KCNG2: variants seen among roughly 807,000 people sequenced by gnomAD.
KCNG2 encodes the protein voltage-gated potassium channel regulatory subunit KCNG2.
Under a neutral mutation model 12.3 loss-of-function variants are expected in KCNG2, and 7 were observed. That is an observed-to-expected ratio of 0.57 (90% CI 0.32 to 1.07). The LOEUF is 1.07. Ranked by LOEUF, KCNG2 falls within the 50% of genes least tolerant of loss-of-function variation. The pLI is 0.04. For synonymous variants in KCNG2, 414 were observed against 351.4 expected, an observed-to-expected ratio of 1.18 and a Z score of -1.99; for missense variants, 703 against 726.0, an observed-to-expected ratio of 0.97 and a Z score of 0.36.
At chr18:79,798,289 G>A (rs1442579298) in intron 1 of KCNG2, among the ~76,000 whole-genome samples, 1 of 151,960 alleles carries the variant, frequency 6.6e-6, no homozygotes, top group Non-Finnish European at 1.5e-5. Flanking sequence ...CGAGGGGGGC[G>A]TCGGGCCGGA....
chr18:79,845,212 A>G (rs12607447), intron 1 of KCNG2, among the ~76,000 whole-genome samples: 34,431 of 152,130 alleles, frequency 0.23, 4,260 homozygotes, highest in African/African-American at 0.33. Flanking sequence ...CATTCTTGAA[A>G]TGACAATATT....
chr18:79,813,936 T>C (rs1458517362), intron 1 of KCNG2, among the ~76,000 whole-genome samples: 5 of 152,200 alleles, frequency 3.3e-5, no homozygotes, highest in African/African-American at 9.7e-5. Flanking sequence ...CAGTTAGACA[T>C]GTACAAGATG....
At chr18:79,869,520 C>T (rs983981309) in intron 3 of KCNG2, among the ~76,000 whole-genome samples, 4 of 152,062 alleles carry the variant, frequency 2.6e-5, no homozygotes, top group South Asian at 2.1e-4. Flanking sequence ...CCCTGGGGAC[C>T]GGAAGGTGGA....
intron 3 of KCNG2, among the ~76,000 whole-genome samples, chr18:79,864,749 T>C (rs930198306): frequency 3.3e-5 from 5 of 151,948 alleles, no homozygotes; most frequent in Non-Finnish European, 5.9e-5. Context: ...CTTCTGGCTA[T>C]GGAACCGAGG....
rs183066065 is a variant in KCNG2 at position 79,823,720 on chromosome 18, G to A, written c.-115+25706G>A. Among the ~76,000 whole-genome samples the A allele has an allele frequency of 2.0e-3, 297 of 151,730 alleles. 2 individuals are homozygous for A. The highest frequency in any genetic ancestry group is 3.3e-3 in the Non-Finnish European group (223 of 67,964). On this transcript the variant is annotated intron_variant, in intron 1 of 3. Transcript: ENST00000316249. ...CCCCTTGTTGTTTTTCTTTTTCCAC[G>A]TGTGCCCAGCTCTTTATGCACATTT...
Position 79,803,652 on chromosome 18 carries a change from G to A in KCNG2, c.-115+5638G>A, listed in dbSNP as rs886308536. Among the ~76,000 whole-genome samples, 17 of 152,284 alleles carry A rather than the reference G, an allele frequency of 1.1e-4. No individual in the cohort carries two copies. Among genetic ancestry groups the A allele is most frequent in the African/African-American group, 3.9e-4 (16 of 41,558 alleles). On this transcript the variant is annotated intron_variant, in intron 1 of 3. Transcript: ENST00000316249. This position sits in a 1 kb window ranked among gnomAD's most constrained non-coding sequence, Gnocchi z 4.5. ...TCACCACTTGTGGTCCAAGGCTTCTGCTGGGCTGACGGAGGAGGCGTTTTC... is the reference window on the plus strand; with the variant it reads ...TCACCACTTGTGGTCCAAGGCTTCTACTGGGCTGACGGAGGAGGCGTTTTC...
At chr18:79,843,644 G>T (rs1978532701) in intron 1 of KCNG2, among the ~76,000 whole-genome samples, 1 of 152,110 alleles carries the variant, frequency 6.6e-6, no homozygotes, top group Non-Finnish European at 1.5e-5. Flanking sequence ...AAGTTAAGTT[G>T]TTATCAGCTT....
intron 1 of KCNG2, among the ~76,000 whole-genome samples, chr18:79,824,927 C>T (rs1170816433): frequency 6.6e-6 from 1 of 151,916 alleles, no homozygotes; most frequent in Non-Finnish European, 1.5e-5. Context: ...AGTTTTCTTT[C>T]TTCTTATTAT....
chr18:79,833,842 G>T (rs913658372), intron 1 of KCNG2, among the ~76,000 whole-genome samples: 8 of 152,234 alleles, frequency 5.3e-5, no homozygotes, highest in Non-Finnish European at 1.5e-5. Flanking sequence ...GCAAAGTGTG[G>T]CCAAACTCTG....
Position 79,899,867 on chromosome 18 carries a change from G to A in KCNG2, c.*51G>A, listed in dbSNP as rs773973336. ...CCCTGCCCCCTCCAGCTGCAGCGTC[G>A]GGACCCCCGAGGTGCGCCAAGGGGT... On this transcript the variant is annotated 3_prime_UTR_variant, in exon 4 of 4. Transcript: ENST00000316249. The A allele has an allele frequency of 4.4e-5, 57 of 1,294,698 alleles. No individual in the cohort carries two copies. In the African/African-American group the frequency reaches 6.7e-4, roughly 15 times the overall value. 80.2% of individuals were successfully genotyped at this position (1,294,698 alleles called of 1,614,324 possible). A position where few individuals can be genotyped will look rare whatever the true frequency, so the allele number is the denominator to read the frequency against.
intron 2 of KCNG2, among the ~76,000 whole-genome samples, chr18:79,860,040 T>C (rs755779292): frequency 1.4e-4 from 21 of 152,192 alleles, no homozygotes; most frequent in Non-Finnish European, 2.6e-4. Context: ...GGGGAGGCTT[T>C]GGGAAGCTTC....
chr18:79,899,297 C>A lies in KCNG2; in HGVS notation c.882C>A (p.Arg294=). 6.4e-7 allele frequency: 1 copy of A among 1,564,106 alleles called. No homozygotes were observed. Among genetic ancestry groups the A allele is most frequent in the Non-Finnish European group, 8.6e-7 (1 of 1,164,548 alleles). Residue 294 remains arginine (R), a synonymous_variant, in exon 4 of 4, where the codon CGC becomes CGA. Coordinates refer to ENST00000316249, the MANE Select transcript of KCNG2 (RefSeq NM_012283.2). ...TGCTGCGGCTGCTGCGTGCGCTGCG[C>A]GTGCTCTACGTGATGCGCCTGGCGC... ...GLVLRLLRAL[R]VLYVMRLARH...
In KCNG2 at chr18:79,899,411, C is replaced by T; in HGVS notation, c.996C>T (p.Ala332=). The T allele has an allele frequency of 1.9e-6, 3 of 1,585,980 alleles. No homozygotes were observed. Among genetic ancestry groups the T allele is most frequent in the Non-Finnish European group, 2.6e-6 (3 of 1,170,224 alleles). Residue 332 remains alanine (A), a synonymous_variant, in exon 4 of 4, where the codon GCC becomes GCT. Transcript: ENST00000316249. ...FGLLLLFLCV[A]MALFAPLVHL... is the part of the protein sequence containing the mutation. The stretch of plus-strand genomic sequence containing the variant: ...TGCTGCTGCTGTTCCTCTGCGTGGC[C>T]ATGGCGCTCTTCGCGCCACTGGTGC...
intron 1 of KCNG2, among the ~76,000 whole-genome samples, chr18:79,807,405 C>T (rs1025361470): frequency 2.0e-5 from 3 of 152,168 alleles, no homozygotes; most frequent in Admixed American, 1.3e-4. Context: ...CCGTAAACAC[C>T]CGAGCACCCA....
intron 1 of KCNG2, among the ~76,000 whole-genome samples, chr18:79,840,064 A>G (rs896750208): frequency 2.0e-5 from 3 of 152,248 alleles, no homozygotes; most frequent in Non-Finnish European, 4.4e-5. Context: ...GAACAAGGCA[A>G]AAATGCTCAC....
chr18:79,835,485 A>T (rs969801287), intron 1 of KCNG2, among the ~76,000 whole-genome samples: 2 of 152,248 alleles, frequency 1.3e-5, no homozygotes, highest in African/African-American at 4.8e-5. Context: ...TAGAAGATAT[A>T]AAATAAAACC....
intron 1 of KCNG2, among the ~76,000 whole-genome samples, chr18:79,818,617 C>A (rs570414276): frequency 3.9e-4 from 60 of 152,260 alleles, no homozygotes; most frequent in Admixed American, 3.9e-3. Context: ...TATGACAGTC[C>A]CTCCCGCCAG....
chr18:79,856,730 T>C (rs1473232191), intron 2 of KCNG2, among the ~76,000 whole-genome samples: 2 of 152,070 alleles, frequency 1.3e-5, no homozygotes, highest in Non-Finnish European at 2.9e-5. Flanking sequence ...GCAGCTGGGT[T>C]TGCACGCTAG....
At chr18:79,897,811 G>A (rs1981032262) in intron 3 of KCNG2, among the ~76,000 whole-genome samples, 1 of 152,062 alleles carries the variant, frequency 6.6e-6, no homozygotes, top group Admixed American at 6.5e-5. Context: ...AACAGTCTCG[G>A]TGTCGAAGCA....
Sources: gnomAD v4.1 joint callset for allele counts (sites outside exome capture counted in the v4.1 genomes callset) on GRCh38, gnomAD v4.1.1 for gene constraint, Gnocchi (gnomAD v3.1) non-coding constraint, MANE v1.5 for transcripts, NCBI Gene and HGNC (gene_info 2026-07-23, HGNC 2026-07-21) for gene names.